The following AKR1C8 variants were observed in gnomAD, a reference collection of about 807,000 sequenced individuals.
AKR1C8 encodes the protein aldo-keto reductase family 1 member C8, also known as aldo-keto reductase family 1 member C-like protein 1.
chr10:5,117,139 T>G, the AKR1C8 span, among the ~76,000 whole-genome samples: 1 of 152,126 alleles, frequency 6.6e-6, no homozygotes, highest in East Asian at 1.9e-4. Context: ...GCTTTTTTTT[T>G]TTTTTAAACA....
the AKR1C8 span, chr10:5,160,917 G>A: frequency 6.4e-6 from 3 of 470,594 alleles, no homozygotes; most frequent in Admixed American, 2.4e-5. Flanking sequence ...AGATAAAGAA[G>A]GACATTTTCT....
chr10:5,119,404 A>G, the AKR1C8 span, among the ~76,000 whole-genome samples: 1 of 152,212 alleles, frequency 6.6e-6, no homozygotes, highest in Non-Finnish European at 1.5e-5. Flanking sequence ...ATCTACATGT[A>G]GAAGATGATT....
the AKR1C8 span, among the ~76,000 whole-genome samples, chr10:5,125,690 C>T: frequency 9.9e-5 from 15 of 152,180 alleles, no homozygotes; most frequent in African/African-American, 3.4e-4. Context: ...CTATTATATC[C>T]AGCATTTGAG....
the AKR1C8 span, among the ~76,000 whole-genome samples, chr10:5,176,063 C>A: frequency 6.6e-6 from 1 of 151,782 alleles, no homozygotes; most frequent in Non-Finnish European, 1.5e-5. Flanking sequence ...ATGCCTATGT[C>A]CTGAATGGTA....
the AKR1C8 span, chr10:5,162,774 C>T: frequency 3.4e-5 from 14 of 409,472 alleles, 1 homozygote; most frequent in Admixed American, 2.8e-4. Flanking sequence ...AAGAATTCAA[C>T]TTAGACCATG....
At chr10:5,164,438 G>A in the AKR1C8 span, among the ~76,000 whole-genome samples, 1 of 151,992 alleles carries the variant, frequency 6.6e-6, no homozygotes, top group Non-Finnish European at 1.5e-5. Flanking sequence ...CATCATGAGA[G>A]ACTACTACAT....
At chr10:5,132,480 T>C in the AKR1C8 span, 1 of 893,400 alleles carries the variant, frequency 1.1e-6, no homozygotes, top group Non-Finnish European at 1.5e-6. Context: ...TACATGAATA[T>C]GTGTCAATAA....
chr10:5,184,003 G>C, the AKR1C8 span, among the ~76,000 whole-genome samples: 2 of 152,176 alleles, frequency 1.3e-5, no homozygotes, highest in Non-Finnish European at 2.9e-5. Context: ...GTGGGCTCTG[G>C]TGGGCACTTT....
the AKR1C8 span, among the ~76,000 whole-genome samples, chr10:5,137,973 G>A: frequency 7.2e-5 from 11 of 152,030 alleles, no homozygotes; most frequent in African/African-American, 2.4e-4. Flanking sequence ...ATGCTTCTGA[G>A]GGAACAGGAC....
At chr10:5,123,690 AC>A in the AKR1C8 span, 1 of 1,582,694 alleles carries the variant, frequency 6.3e-7, no homozygotes, top group Non-Finnish European at 8.6e-7. Flanking sequence ...TTTTAGGTAA[AC>A]TTCCTGATGC....
the AKR1C8 span, among the ~76,000 whole-genome samples, chr10:5,128,990 A>T: frequency 6.6e-6 from 1 of 152,048 alleles, no homozygotes; most frequent in Non-Finnish European, 1.5e-5. Flanking sequence ...CATTCTTATC[A>T]GCACATGGAA....
At chr10:5,177,374 G>T in the AKR1C8 span, among the ~76,000 whole-genome samples, 1 of 151,898 alleles carries the variant, frequency 6.6e-6, no homozygotes, top group Non-Finnish European at 1.5e-5. Context: ...TGCTGGATTC[G>T]GTTTGCCAGT....
chr10:5,154,171 T>A, the AKR1C8 span: 1 of 470,258 alleles, frequency 2.1e-6, no homozygotes, highest in Admixed American at 2.4e-5. Flanking sequence ...AAAATAAGGG[T>A]GATTAGCAGC....
At chr10:5,148,394 T>C in the AKR1C8 span, among the ~76,000 whole-genome samples, 1,260 of 152,212 alleles carry the variant, frequency 8.3e-3, 14 homozygotes, top group African/African-American at 0.029. Context: ...CAGGCAGATA[T>C]CAATCTATTA....
At chr10:5,157,412 T>G in the AKR1C8 span, among the ~76,000 whole-genome samples, 1 of 152,202 alleles carries the variant, frequency 6.6e-6, no homozygotes, top group Non-Finnish European at 1.5e-5. Flanking sequence ...GAAATTTGCT[T>G]AGTGTCAACC....
the AKR1C8 span, among the ~76,000 whole-genome samples, chr10:5,131,710 T>C: frequency 6.6e-6 from 1 of 150,858 alleles, no homozygotes; most frequent in African/African-American, 2.4e-5. Context: ...GGCATGAATG[T>C]AGTGAAAAGA....
At chr10:5,131,897 C>T in the AKR1C8 span, among the ~76,000 whole-genome samples, 1 of 152,128 alleles carries the variant, frequency 6.6e-6, no homozygotes, top group Non-Finnish European at 1.5e-5. Flanking sequence ...ACGTGTATAG[C>T]AGTGCAATTC....
chr10:5,179,283 T>C, the AKR1C8 span, among the ~76,000 whole-genome samples: 2 of 152,210 alleles, frequency 1.3e-5, no homozygotes, highest in African/African-American at 4.8e-5. Flanking sequence ...AAAATTCTTT[T>C]CTTTAAGGAT....
chr10:5,182,346 T>C, the AKR1C8 span, among the ~76,000 whole-genome samples: 3 of 152,106 alleles, frequency 2.0e-5, no homozygotes, highest in Non-Finnish European at 4.4e-5. Context: ...CCGAAACCAA[T>C]AAAAACCTCT....
Sources: allele counts gnomAD v4.1 joint callset (sites outside exome capture counted in the v4.1 genomes callset), GRCh38; gene constraint gnomAD v4.1.1; transcripts MANE v1.5; gene names NCBI Gene and HGNC (gene_info 2026-07-23, HGNC 2026-07-21).